The following MTHFSD variants were observed in gnomAD, a reference collection of about 807,000 sequenced individuals.
MTHFSD encodes methenyltetrahydrofolate synthetase domain containing.
A neutral mutation model predicts 31.1 loss-of-function variants in MTHFSD; 37 were observed. The observed-to-expected ratio is 1.19, with a 90% CI of 0.91 to 1.56. The LOEUF is 1.56. Ranked by LOEUF, MTHFSD falls within the 40% of genes most tolerant of loss-of-function variation. MTHFSD has a pLI of 0.00. For missense variants in MTHFSD, 664 were observed against 510.1 expected, an observed-to-expected ratio of 1.30 and a Z score of -2.91; for synonymous variants, 221 against 206.9, an observed-to-expected ratio of 1.07 and a Z score of -0.59.
intron 7 of MTHFSD, chr16:86,533,851 A>C (rs1352343590): frequency 6.6e-6 from 1 of 152,266 alleles, no homozygotes; most frequent in Admixed American, 6.5e-5. Flanking sequence ...AGCCAAGTGC[A>C]TTCCTGCAAA....
In MTHFSD at chr16:86,531,863, G is replaced by C. The variant is rs1184045922; in HGVS notation, c.*148C>G. 1 of 493,376 alleles carries C rather than the reference G, an allele frequency of 2.0e-6. No homozygotes were observed. Among genetic ancestry groups the C allele is most frequent in the African/African-American group, 2.0e-5 (1 of 49,834 alleles). 30.6% of individuals were successfully genotyped at this position (493,376 alleles called of 1,614,324 possible). ...GGAGGGCCTGGGCGTTCACTGAGCG[G>C]TGACTTCTGAGAAGAATTGAGACCC... On this transcript the variant is annotated 3_prime_UTR_variant, in exon 8 of 8. Transcript: ENST00000360900. This position sits in a 1 kb window ranked among gnomAD's most constrained non-coding sequence, Gnocchi z 5.5.
chr16:86,554,655 G>A lies in MTHFSD; in HGVS notation c.113C>T (p.Pro38Leu). Residue 38 changes from proline (P) to leucine (L), a missense_variant, in exon 2 of 8, where the codon CCC (proline) becomes CTC (leucine). Coordinates refer to ENST00000360900, the MANE Select transcript of MTHFSD (RefSeq NM_001159377.2). ...GAAATATGTCAGTACCTTAAAGTTG[G>A]GTATCCTGTGATGAACAGGTCGGGG... ...DFPRPVHHRIPNFKGSYLACQ... is the reference protein window; with the variant it reads ...DFPRPVHHRILNFKGSYLACQ... 1 of 1,613,030 alleles carries A rather than the reference G, an allele frequency of 6.2e-7. No homozygotes were observed. The highest frequency in any genetic ancestry group is 8.5e-7 in the Non-Finnish European group (1 of 1,179,402).
Position 86,547,326 on chromosome 16 carries a change from C to T in MTHFSD, c.352-677G>A, listed in dbSNP as rs544220949. The T allele has an allele frequency of 8.8e-5, 87 of 985,688 alleles. No homozygotes were observed. The South Asian group carries it at 3.1e-3, about 35-fold the overall frequency. 61.1% of individuals were successfully genotyped at this position (985,688 alleles called of 1,614,324 possible). A position where few individuals can be genotyped will look rare whatever the true frequency, so the allele number is the denominator to read the frequency against. On this transcript the variant is annotated intron_variant, in intron 4 of 7. Transcript: ENST00000360900. ...GAATATGTTCATGGTTCTCATAACA[C>T]GGTTTATGTAAGACTCAGGAAAAAG...
chr16:86,530,237 G>C lies in MTHFSD; in HGVS notation c.*1774C>G, dbSNP rs532887131. The C allele has an allele frequency of 6.6e-6, 1 of 152,190 alleles. No individual in the cohort carries two copies. The highest frequency in any genetic ancestry group is 1.5e-5 in the Non-Finnish European group (1 of 68,054). 9.4% of individuals were successfully genotyped at this position (152,190 alleles called of 1,614,324 possible). On this transcript the variant is annotated 3_prime_UTR_variant, in exon 8 of 8. Coordinates refer to ENST00000360900, the MANE Select transcript of MTHFSD (RefSeq NM_001159377.2). Reference sequence around the variant, plus strand: ...ACTTGCTCTTCAGTTTTTCTTACACGATGTTCCACAAATATAAAAATGAGA... The same window carrying C: ...ACTTGCTCTTCAGTTTTTCTTACACCATGTTCCACAAATATAAAAATGAGA...
chr16:86,555,125 C>T (rs759371402), intron 1 of MTHFSD, 44 bp downstream of exon 1: 4 of 1,531,078 alleles, frequency 2.6e-6, no homozygotes, highest in South Asian at 2.4e-5. Flanking sequence ...CCCGGCTGTC[C>T]CTCCCCATTC....
At position 86,530,783 on chromosome 16, in the gene MTHFSD, G is replaced by A. The variant is rs1024543148; in HGVS notation, c.*1228C>T. On this transcript the variant is annotated 3_prime_UTR_variant, in exon 8 of 8. Transcript: ENST00000360900. ...ATGACAAACGTGACCAGCCGTGCGG[G>A]CGGGGGCAAGGCCAAGGACACAGAG... 1 of 152,302 alleles carries A rather than the reference G, an allele frequency of 6.6e-6. No homozygotes were observed. The highest frequency in any genetic ancestry group is 1.5e-5 in the Non-Finnish European group (1 of 68,090). 9.4% of individuals were successfully genotyped at this position (152,302 alleles called of 1,614,324 possible).
intron 7 of MTHFSD, chr16:86,541,296 A>G (rs1325753451): frequency 9.0e-7 from 1 of 1,111,558 alleles, no homozygotes; most frequent in African/African-American, 1.6e-5. Flanking sequence ...GTCAGTAAAA[A>G]AAAAAAAAAA....
rs1052426402 is a variant in MTHFSD, at chr16:86,538,800, G to A, written c.681+2897C>T. 9.8e-4 allele frequency among the ~76,000 whole-genome samples: 149 copies of A among 152,300 alleles called. 2 individuals are homozygous for A. The highest frequency in any genetic ancestry group is 3.5e-3 in the African/African-American group (147 of 41,574). On this transcript the variant is annotated intron_variant, in intron 7 of 7. Coordinates refer to ENST00000360900, the MANE Select transcript of MTHFSD (RefSeq NM_001159377.2). ...TGGCAGAGATCCTTGGTGTAGCTAG[G>A]GGTTCAGGGAGTCCTGGGTTTTCAG...
intron 1 of MTHFSD, 61 bp from the exon 2 acceptor site, chr16:86,554,812 C>T (rs1224394940): frequency 2.1e-6 from 3 of 1,436,772 alleles, no homozygotes; most frequent in East Asian, 2.3e-5. Flanking sequence ...ATGCTGAAAC[C>T]GCTTAACAGT....
intron 3 of MTHFSD, among the ~76,000 whole-genome samples, chr16:86,550,100 C>T (rs1972923610): frequency 6.6e-6 from 1 of 152,236 alleles, no homozygotes; most frequent in Non-Finnish European, 1.5e-5. Context: ...GTAGGTGTGG[C>T]CTGAGGCTGT....
intron 7 of MTHFSD, among the ~76,000 whole-genome samples, chr16:86,538,523 T>C (rs1971030460): frequency 6.6e-6 from 1 of 152,258 alleles, no homozygotes; most frequent in Non-Finnish European, 1.5e-5. Flanking sequence ...GGGCAGGCAC[T>C]GGTCAGTGGC....
In MTHFSD at chr16:86,530,954, C is replaced by G. The variant is rs11865011; in HGVS notation, c.*1057G>C. On this transcript the variant is annotated 3_prime_UTR_variant, in exon 8 of 8. Transcript: ENST00000360900. ...CGAAGTCTCCACAGGATTTTCACGG[C>G]AAAACCAATGAGAAAATGTCCTTTC... is the stretch of plus-strand genomic sequence containing the variant. The G allele has an allele frequency of 5.5e-3, 831 of 152,298 alleles. 7 individuals are homozygous for G. Among genetic ancestry groups the G allele is most frequent in the African/African-American group, 0.019 (787 of 41,552 alleles). The allele number at this position is 152,298 out of a possible 1,614,324, so 9.4% of individuals were successfully genotyped here.
In MTHFSD at chr16:86,546,765, G is replaced by A. The variant is rs1972371893; in HGVS notation, c.352-116C>T. 3.5e-6 allele frequency: 3 copies of A among 853,646 alleles called. No individual in the cohort carries two copies. The South Asian group carries it at 4.5e-5, about 13-fold the overall frequency. The allele number at this position is 853,646 out of a possible 1,614,324, so 52.9% of individuals were successfully genotyped here. ...AACCTCTTGGACAAAACAGATGCAG[G>A]CACACGCAACACCGGAGATGTGGCG... On this transcript the variant is annotated intron_variant, in intron 4 of 7. Transcript: ENST00000360900.
chr16:86,540,055 T>C (rs180806061), intron 7 of MTHFSD, among the ~76,000 whole-genome samples: 41 of 152,148 alleles, frequency 2.7e-4, no homozygotes, highest in Non-Finnish European at 4.0e-4. Flanking sequence ...TTTAATGGAA[T>C]TTAGAGATTT....
At chr16:86,546,469 A>T in intron 5 of MTHFSD, 90 bp downstream of exon 5, 1 of 1,127,012 alleles carries the variant, frequency 8.9e-7, no homozygotes, top group Non-Finnish European at 1.4e-6. Context: ...AGCAGACACC[A>T]CTGGCGACTT....
chr16:86,551,863 C>T, intron 3 of MTHFSD, 170 bp downstream of exon 3: 2 of 1,251,878 alleles, frequency 1.6e-6, no homozygotes, highest in Non-Finnish European at 2.2e-6. Flanking sequence ...AGCTGAAGGG[C>T]TTCTGAACTA....
chr16:86,548,490 TG>T lies in MTHFSD; in HGVS notation c.324del (p.Asp108GlufsTer3). 1 of 1,613,956 alleles carries T rather than the reference TG, an allele frequency of 6.2e-7. No homozygotes were observed. Among genetic ancestry groups the T allele is most frequent in the African/African-American group, 1.3e-5 (1 of 75,070 alleles). ...TGAGAGGTGGCACATTTTCTCAAGA[TG>T]TCTTTAGTTGCCCCAGGGGGTGGTG... ...KITPPPGATK[D>X]ILRKCATSQG... On this transcript the variant is annotated frameshift_variant, in exon 4 of 8. Coordinates refer to ENST00000360900, the MANE Select transcript of MTHFSD (RefSeq NM_001159377.2). LOFTEE classifies it high-confidence loss of function.
At chr16:86,538,753 G>C (rs1281033683) in intron 7 of MTHFSD, among the ~76,000 whole-genome samples, 1 of 152,194 alleles carries the variant, frequency 6.6e-6, no homozygotes, top group Non-Finnish European at 1.5e-5. Flanking sequence ...TCAGGCCCAG[G>C]TCTCTGGTAC....
rs1011611248 is a variant in MTHFSD, at chr16:86,540,791, C to T, written c.681+906G>A. On this transcript the variant is annotated intron_variant, in intron 7 of 7. Transcript: ENST00000360900. ...AGTGCTCCTGGTGCGCTTAGAGGGC[C>T]GCCCATACACTCTGGGTTACAAAGG... The T allele has an allele frequency of 7.0e-6, 7 of 995,768 alleles. No individual in the cohort carries two copies. The African/African-American group carries it at 1.0e-4, about 15-fold the overall frequency. The allele number at this position is 995,768 out of a possible 1,614,324, so 61.7% of individuals were successfully genotyped here.
Sources: allele counts gnomAD v4.1 joint callset (sites outside exome capture counted in the v4.1 genomes callset), GRCh38; gene constraint gnomAD v4.1.1; non-coding constraint Gnocchi (gnomAD v3.1); transcripts MANE v1.5; gene names NCBI Gene and HGNC (gene_info 2026-07-23, HGNC 2026-07-21).